SOX5: variants seen among roughly 807,000 people sequenced by gnomAD.
SOX5 encodes transcription factor SOX-5.
Under a neutral mutation model 92.0 loss-of-function variants are expected in SOX5, and 9 were observed. That is an observed-to-expected ratio of 0.10 (90% CI 0.06 to 0.17). SOX5 has a LOEUF of 0.17. SOX5 is among the 10% of genes least tolerant of loss of function. SOX5 has a pLI of 1.00. For missense variants in SOX5, 642 were observed against 944.5 expected, an observed-to-expected ratio of 0.68 and a Z score of 4.20; for synonymous variants, 344 against 336.3, an observed-to-expected ratio of 1.02 and a Z score of -0.25.
intron 3 of SOX5, among the ~76,000 whole-genome samples, chr12:24,240,749 A>G (rs1018780923): frequency 6.6e-6 from 1 of 152,186 alleles, no homozygotes; most frequent in Non-Finnish European, 1.5e-5. Context: ...ATTCACTGCA[A>G]AGTTACATGA....
intron 1 of SOX5, among the ~76,000 whole-genome samples, chr12:24,391,820 A>T (rs1387266977): frequency 2.0e-5 from 3 of 152,228 alleles, no homozygotes; most frequent in African/African-American, 4.8e-5. Flanking sequence ...TTAAAAGGTA[A>T]CATATAGAAA....
intron 1 of SOX5, among the ~76,000 whole-genome samples, chr12:24,422,908 G>A (rs1240824789): frequency 6.6e-6 from 1 of 152,206 alleles, no homozygotes; most frequent in African/African-American, 2.4e-5. Context: ...CTACTCAGGA[G>A]GCTGAGGTAG....
chr12:23,690,290 T>A (rs2088521947), intron 6 of SOX5, among the ~76,000 whole-genome samples: 1 of 152,236 alleles, frequency 6.6e-6, no homozygotes, highest in Non-Finnish European at 1.5e-5. Flanking sequence ...TTTGGCTATA[T>A]GCCAGAAACG....
chr12:24,047,101 G>A (rs572268832), intron 4 of SOX5, among the ~76,000 whole-genome samples: 1 of 152,066 alleles, frequency 6.6e-6, no homozygotes, highest in South Asian at 2.1e-4. Flanking sequence ...TGGTTTTTCA[G>A]ATACCTCTAG....
chr12:24,176,818 C>A (rs1010521604), intron 4 of SOX5, among the ~76,000 whole-genome samples: 6 of 152,140 alleles, frequency 3.9e-5, no homozygotes, highest in African/African-American at 1.4e-4. Flanking sequence ...ATTCCCCATC[C>A]CTCCTAACAC....
intron 4 of SOX5, among the ~76,000 whole-genome samples, chr12:24,118,068 A>G (rs1948241672): frequency 6.6e-6 from 1 of 150,926 alleles, no homozygotes; most frequent in African/African-American, 2.4e-5. Flanking sequence ...ACAGAAACAG[A>G]GAGTAGAAAA....
chr12:24,127,806 C>T (rs1949256963), intron 4 of SOX5, among the ~76,000 whole-genome samples: 1 of 152,162 alleles, frequency 6.6e-6, no homozygotes, highest in African/African-American at 2.4e-5. Flanking sequence ...AAACCAATCA[C>T]ATAGAGAAGT....
intron 4 of SOX5, among the ~76,000 whole-genome samples, chr12:24,096,939 G>C (rs1593128818): frequency 1.3e-5 from 2 of 152,162 alleles, no homozygotes; most frequent in East Asian, 3.9e-4. Context: ...TTAATGTTTT[G>C]AGGCACTGCC....
intron 2 of SOX5, among the ~76,000 whole-genome samples, chr12:24,362,987 A>G (rs1001973104): frequency 6.6e-6 from 1 of 152,056 alleles, no homozygotes; most frequent in African/African-American, 2.4e-5. Flanking sequence ...TTCATCATTC[A>G]CAGATACGTA....
At chr12:23,939,441 A>C (rs1262029510) in intron 1 of SOX5, among the ~76,000 whole-genome samples, 3 of 151,058 alleles carry the variant, frequency 2.0e-5, no homozygotes, top group East Asian at 1.9e-4. Flanking sequence ...TTTGTGCCTA[A>C]ATTAAAAGCG....
chr12:24,225,559 A>G (rs886140773), intron 3 of SOX5, among the ~76,000 whole-genome samples: 2 of 152,162 alleles, frequency 1.3e-5, no homozygotes, highest in South Asian at 2.1e-4. Context: ...CTTGTCTCCA[A>G]AATAGTTAAC....
chr12:23,664,843 A>G (rs927584838), intron 7 of SOX5, among the ~76,000 whole-genome samples: 1 of 152,212 alleles, frequency 6.6e-6, no homozygotes, highest in Non-Finnish European at 1.5e-5. Flanking sequence ...CTGCCTTCAG[A>G]AAGTTTACAA....
At chr12:24,500,206 T>G (rs1948063494) in intron 1 of SOX5, among the ~76,000 whole-genome samples, 7 of 152,222 alleles carry the variant, frequency 4.6e-5, no homozygotes. Flanking sequence ...GTCATATAAA[T>G]TTTCAAAATA....
chr12:23,704,734 A>ATC (rs1317193709), intron 6 of SOX5, among the ~76,000 whole-genome samples: 2 of 146,342 alleles, frequency 1.4e-5, no homozygotes, highest in Non-Finnish European at 3.0e-5. Flanking sequence ...ACACACACAT[A>ATC]CACACATACA....
intron 2 of SOX5, among the ~76,000 whole-genome samples, chr12:23,895,470 G>A (rs981990319): frequency 3.9e-5 from 6 of 151,962 alleles, no homozygotes; most frequent in Non-Finnish European, 8.8e-5. Flanking sequence ...ATTAGAAAAA[G>A]TATGACACCA....
intron 4 of SOX5, among the ~76,000 whole-genome samples, chr12:23,970,720 A>G (rs1208244858): frequency 6.8e-6 from 1 of 147,066 alleles, no homozygotes; most frequent in Non-Finnish European, 1.5e-5. Flanking sequence ...CCAACATTTG[A>G]CCATTGTGAA....
intron 1 of SOX5, among the ~76,000 whole-genome samples, chr12:24,510,067 T>A (rs1597440009): frequency 6.6e-6 from 1 of 152,378 alleles, no homozygotes; most frequent in Middle Eastern, 3.4e-3. Flanking sequence ...GTCATCTGAA[T>A]GAGAAGTTTT....
rs183512627 is a variant in SOX5 at position 24,392,474 on chromosome 12, T to C, written c.-250-23835A>G. Among the ~76,000 whole-genome samples the C allele has an allele frequency of 1.2e-3, 179 of 152,250 alleles. 1 individual carries two copies. Among genetic ancestry groups the C allele is most frequent in the African/African-American group, 4.2e-3 (174 of 41,526 alleles). ...TCAGTGTCTCTTCTGGGTTTTTGTCTGCCATTTTCTCTCCCCAGAGTCTCC... is the reference window on the plus strand; with the variant it reads ...TCAGTGTCTCTTCTGGGTTTTTGTCCGCCATTTTCTCTCCCCAGAGTCTCC... On this transcript the variant is annotated intron_variant, in intron 1 of 4. Coordinates refer to the SOX5 transcript ENST00000446891.
At chr12:24,375,216 AC>A (rs1424429586) in intron 1 of SOX5, among the ~76,000 whole-genome samples, 3 of 150,654 alleles carry the variant, frequency 2.0e-5, no homozygotes, top group Non-Finnish European at 4.4e-5. Context: ...CTCGTGATCC[AC>A]CCGCCTCAGC....
Sources: gnomAD v4.1 joint callset for allele counts (sites outside exome capture counted in the v4.1 genomes callset) on GRCh38, gnomAD v4.1.1 for gene constraint, MANE v1.5 for transcripts, NCBI Gene and HGNC (gene_info 2026-07-23, HGNC 2026-07-21) for gene names.